The following HSDL2 variants were observed in gnomAD, a reference collection of about 807,000 sequenced individuals.
HSDL2 encodes hydroxysteroid dehydrogenase-like protein 2.
A neutral mutation model predicts 46.3 loss-of-function variants in HSDL2; 27 were observed. The ratio of observed to expected loss-of-function variants is 0.58; its 90% CI spans 0.43 to 0.80. The LOEUF is 0.80. Ranked by LOEUF, HSDL2 falls within the 30% of genes least tolerant of loss-of-function variation. The pLI is 0.00. For missense variants in HSDL2, 451 were observed against 502.7 expected, an observed-to-expected ratio of 0.90 and a Z score of 0.98; for synonymous variants, 153 against 163.6, an observed-to-expected ratio of 0.94 and a Z score of 0.50.
intron 8 of HSDL2, among the ~76,000 whole-genome samples, chr9:112,452,967 A>T (rs1380987959): frequency 6.6e-6 from 1 of 152,134 alleles, no homozygotes; most frequent in African/African-American, 2.4e-5. Context: ...CTAACAGTTT[A>T]ACCTCCCTTT....
At chr9:112,413,406 G>A (rs946321944) in intron 4 of HSDL2, among the ~76,000 whole-genome samples, 3 of 151,926 alleles carry the variant, frequency 2.0e-5, no homozygotes, top group Non-Finnish European at 4.4e-5. Context: ...GAACCCAAGA[G>A]GCAGAGGTTG....
intron 8 of HSDL2, among the ~76,000 whole-genome samples, chr9:112,446,649 A>T (rs994322129): frequency 2.0e-5 from 3 of 152,064 alleles, no homozygotes; most frequent in African/African-American, 7.2e-5. Context: ...CATGAAACAC[A>T]ACAAAAACAC....
chr9:112,418,833 AATT>A (rs771106429), intron 5 of HSDL2, 24 bp from the exon 6 acceptor site: 2 of 1,272,696 alleles, frequency 1.6e-6, no homozygotes, highest in Non-Finnish European at 2.2e-6. Context: ...TTTATAATTA[AATT>A]ATTATTTTTT....
chr9:112,412,842 G>T (rs112606235), intron 4 of HSDL2, among the ~76,000 whole-genome samples: 2,702 of 152,124 alleles, frequency 0.018, 96 homozygotes, highest in African/African-American at 0.062. Flanking sequence ...GGTGGCTCAC[G>T]CTTGTAATCT....
intron 4 of HSDL2, among the ~76,000 whole-genome samples, chr9:112,412,977 CAA>C (rs1831912011): frequency 6.6e-6 from 1 of 151,618 alleles, no homozygotes; most frequent in African/African-American, 2.4e-5. Context: ...AACTCTCGCA[CAA>C]AGATTCTATT....
intron 6 of HSDL2, among the ~76,000 whole-genome samples, chr9:112,420,816 GT>G (rs1239031740): frequency 1.3e-5 from 2 of 152,130 alleles, no homozygotes; most frequent in East Asian, 3.8e-4. Flanking sequence ...ATACATTTCT[GT>G]TACATTAGGG....
At chr9:112,450,165 C>A (rs1027267074) in intron 8 of HSDL2, among the ~76,000 whole-genome samples, 9 of 151,988 alleles carry the variant, frequency 5.9e-5, no homozygotes, top group African/African-American at 2.2e-4. Flanking sequence ...TATAGGGGCT[C>A]ACACCTGTAA....
At position 112,459,513 on chromosome 9, in the gene HSDL2, GC is replaced by G; in HGVS notation, c.1082del (p.Pro361LeufsTer8). The G allele has an allele frequency of 6.2e-7, 1 of 1,613,856 alleles. No homozygotes were observed. Among genetic ancestry groups the G allele is most frequent in the Non-Finnish European group, 8.5e-7 (1 of 1,179,746 alleles). ...AGGGTGGGAATGTCGGATATGGAGAGCCTTCTGATCAGGCAGATGTGGTGAT... is the reference window on the plus strand; with the variant it reads ...AGGGTGGGAATGTCGGATATGGAGAGCTTCTGATCAGGCAGATGTGGTGAT... ...SKGGNVGYGE[P>X]SDQADVVMSM... On this transcript the variant is annotated frameshift_variant, in exon 10 of 11. Transcript: ENST00000398805. LOFTEE classifies it high-confidence loss of function.
chr9:112,398,591 G>A (rs1296293593), intron 1 of HSDL2, among the ~76,000 whole-genome samples: 3 of 152,002 alleles, frequency 2.0e-5, no homozygotes, highest in East Asian at 3.9e-4. Context: ...AAGGCCGAAC[G>A]GGAGAGGAAA....
chr9:112,459,439 ATC>A lies in HSDL2; in HGVS notation c.1016-4_1016-3del. On this transcript the variant is annotated splice_region_variant and splice_polypyrimidine_tract_variant and intron_variant, in intron 9 of 10. Coordinates refer to ENST00000398805, the MANE Select transcript of HSDL2 (RefSeq NM_032303.5). ...CTATGACATTGATTTCTATATGTTT[ATC>A]TCTCTAGGTGAAGATGGTGGCACGT... 1.2e-6 allele frequency: 2 copies of A among 1,613,386 alleles called. No individual in the cohort carries two copies. The highest frequency in any genetic ancestry group is 2.2e-5 in the South Asian group (2 of 91,058).
chr9:112,444,595 G>C (rs952059038), intron 8 of HSDL2, among the ~76,000 whole-genome samples: 2 of 151,860 alleles, frequency 1.3e-5, no homozygotes, highest in African/African-American at 4.8e-5. Context: ...AAAATTAGCT[G>C]GGTGTGATGG....
intron 9 of HSDL2, among the ~76,000 whole-genome samples, chr9:112,454,489 G>A (rs3849128): frequency 0.96 from 145,416 of 152,146 alleles, 69,553 homozygotes; most frequent in African/African-American, 0.98. Flanking sequence ...CAGTGCGTAC[G>A]GACACATGTA....
rs202052458 is a variant in HSDL2 at position 112,444,666 on chromosome 9, A to C, written c.865+2896A>C. Among the ~76,000 whole-genome samples, 5 of 152,104 alleles carry C rather than the reference A, an allele frequency of 3.3e-5. No individual in the cohort carries two copies. The East Asian group carries it at 9.7e-4, about 30-fold the overall frequency. ...AGTGGGAGGATCACTTGAGTTCAGG[A>C]GTTTGAGGTTGTAATGAGCTATGAT... On this transcript the variant is annotated intron_variant, in intron 8 of 10. Transcript: ENST00000398805.
chr9:112,415,390 A>C (rs181496165), intron 4 of HSDL2, among the ~76,000 whole-genome samples: 9 of 152,276 alleles, frequency 5.9e-5, no homozygotes, highest in Non-Finnish European at 4.4e-5. Context: ...TCTAATTTTA[A>C]TCTCTTGGTC....
intron 5 of HSDL2, among the ~76,000 whole-genome samples, chr9:112,418,175 TAGG>T (rs1832037228): frequency 6.9e-6 from 1 of 145,962 alleles, no homozygotes; most frequent in East Asian, 1.9e-4. Context: ...AATCAAATAT[TAGG>T]AGGGAGATAT....
At chr9:112,399,593 A>G (rs1193935354) in intron 1 of HSDL2, among the ~76,000 whole-genome samples, 2 of 152,154 alleles carry the variant, frequency 1.3e-5, no homozygotes, top group African/African-American at 4.8e-5. Context: ...TCAACTGCAT[A>G]AGACAGACGT....
chr9:112,462,600 A>ATATG (rs1833244432), intron 10 of HSDL2, among the ~76,000 whole-genome samples: 1 of 146,630 alleles, frequency 6.8e-6, no homozygotes, highest in Non-Finnish European at 1.5e-5. Context: ...GAGGAGGGGG[A>ATATG]TGTGTGTGTG....
intron 4 of HSDL2, among the ~76,000 whole-genome samples, chr9:112,409,923 T>G (rs952120068): frequency 6.6e-6 from 1 of 151,952 alleles, no homozygotes; most frequent in African/African-American, 2.4e-5. Flanking sequence ...AATACTTACA[T>G]GTATACTCTG....
intron 6 of HSDL2, among the ~76,000 whole-genome samples, chr9:112,427,306 C>T (rs1481327084): frequency 3.3e-5 from 5 of 152,256 alleles, no homozygotes; most frequent in Admixed American, 6.5e-5. Flanking sequence ...CCACCCGCCT[C>T]GGCCTCCCAA....
Sources: allele counts gnomAD v4.1 joint callset (sites outside exome capture counted in the v4.1 genomes callset), GRCh38; gene constraint gnomAD v4.1.1; transcripts MANE v1.5; gene names NCBI Gene and HGNC (gene_info 2026-07-23, HGNC 2026-07-21).